The following ADGRB1 variants were observed in gnomAD, a reference collection of about 807,000 sequenced individuals.
ADGRB1 encodes adhesion G protein-coupled receptor B1.
ADGRB1 carries 36 observed loss-of-function variants against 175.7 expected under a neutral mutation model. The ratio of observed to expected loss-of-function variants is 0.20; its 90% confidence interval spans 0.16 to 0.27. The LOEUF is 0.27. Among genes scored for constraint, ADGRB1 ranks in the 10% least tolerant of loss-of-function variants. The pLI is 1.00. For missense variants in ADGRB1, 1,731 were observed against 2,255.3 expected (o/e 0.77, Z 4.71); for synonymous variants, 1,054 against 979.4 (o/e 1.08, Z -1.42).
Position 142,510,358 on chromosome 8 carries a change from C to T in ADGRB1, c.2676-574C>T, listed in dbSNP as rs992773650. ...CCGCAGGCACCAGGGGTGATGAGGC[C>T]CGGGGGAGGTGGATGTGGGGGATGG... On this transcript the variant is annotated intron_variant, in intron 17 of 30. Transcript: ENST00000517894. This position sits in a 1 kb window ranked among gnomAD's most constrained non-coding sequence, Gnocchi z 6.3. Among the ~76,000 whole-genome samples, 1 of 151,912 alleles carries T rather than the reference C, an allele frequency of 6.6e-6. No individual in the cohort carries two copies. The highest frequency in any genetic ancestry group is 2.4e-5 in the African/African-American group (1 of 41,482).
intron 17 of ADGRB1, among the ~76,000 whole-genome samples, chr8:142,491,107 C>T (rs1178863712): frequency 6.6e-6 from 1 of 152,202 alleles, no homozygotes; most frequent in Non-Finnish European, 1.5e-5. Flanking sequence ...CTGCCCCCAG[C>T]CCCCAGCCCC....
intron 1 of ADGRB1, among the ~76,000 whole-genome samples, chr8:142,462,220 T>G (rs1840005640): frequency 6.6e-6 from 1 of 152,130 alleles, no homozygotes; most frequent in African/African-American, 2.4e-5. Context: ...GCCCGGAATG[T>G]TTGCCAGGAA....
At chr8:142,495,990 T>G (rs1040865435) in intron 17 of ADGRB1, among the ~76,000 whole-genome samples, 6 of 146,592 alleles carry the variant, frequency 4.1e-5, no homozygotes, top group Non-Finnish European at 9.1e-5. Flanking sequence ...TGGATGGATG[T>G]GTAAATGGTA....
rs1373122162 is a variant in ADGRB1 at position 142,477,163 on chromosome 8, C to T, written c.1107C>T (p.Thr369=). 5 of 1,594,120 alleles carry T rather than the reference C, an allele frequency of 3.1e-6. No individual in the cohort carries two copies. The highest frequency in any genetic ancestry group is 4.5e-5 in the East Asian group (2 of 44,758). The change falls in exon 5 of 31, where the codon ACC becomes ACT. Residue 369 remains threonine (T), a synonymous_variant. Coordinates refer to ENST00000517894, the MANE Select transcript of ADGRB1 (RefSeq NM_001702.3). ...EWSPWSVCSS[T]CGEGWQTRTR... is the part of the protein sequence containing the mutation. Reference sequence around the variant, plus strand: ...CCCCGTGGAGCGTGTGCTCCAGCACCTGCGGCGAGGGCTGGCAGACCCGCA... The same window carrying T: ...CCCCGTGGAGCGTGTGCTCCAGCACTTGCGGCGAGGGCTGGCAGACCCGCA...
At chr8:142,485,216 T>C (rs1003210414) in intron 13 of ADGRB1, among the ~76,000 whole-genome samples, 1 of 152,194 alleles carries the variant, frequency 6.6e-6, no homozygotes, top group Non-Finnish European at 1.5e-5. Context: ...ATGATAACGG[T>C]GCCCATCTCA....
rs540119847 is a variant in ADGRB1 at position 142,484,012 on chromosome 8, G to A, written c.2166G>A (p.Glu722=). The A allele has an allele frequency of 4.3e-6, 7 of 1,613,214 alleles. No individual in the cohort carries two copies. In the African/African-American group the frequency reaches 9.3e-5, roughly 21 times the overall value. ...FVQILSNLLA[E]ENRDKWEEAQ... ...AGATCCTTAGCAACCTGTTGGCAGA[G>A]GAGAATCGGGACAAGTGGGAGGAGG... The change falls in exon 12 of 31, where the codon GAG becomes GAA. Residue 722 remains glutamate (E), a synonymous_variant. Transcript: ENST00000517894.
At chr8:142,468,245 C>A (rs560918866) in intron 2 of ADGRB1, among the ~76,000 whole-genome samples, 1 of 152,056 alleles carries the variant, frequency 6.6e-6, no homozygotes, top group South Asian at 2.1e-4. Context: ...GTACATTACT[C>A]ATGTGCGTGT....
At chr8:142,516,663 G>GT (rs1843464632) in intron 18 of ADGRB1, among the ~76,000 whole-genome samples, 4 of 139,172 alleles carry the variant, frequency 2.9e-5, no homozygotes, top group African/African-American at 1.1e-4. Context: ...GTGTGTGTGT[G>GT]GGTCCCAGGT....
chr8:142,470,972 C>T (rs943012216), intron 2 of ADGRB1, among the ~76,000 whole-genome samples: 1 of 152,076 alleles, frequency 6.6e-6, no homozygotes, highest in Non-Finnish European at 1.5e-5. Context: ...GAGGGAGCGG[C>T]AAAGCCTGGG....
intron 1 of ADGRB1, among the ~76,000 whole-genome samples, chr8:142,456,988 G>A (rs145187971): frequency 4.6e-5 from 7 of 152,350 alleles, no homozygotes; most frequent in East Asian, 1.9e-4. Flanking sequence ...GACCGGCCCC[G>A]GGGTGTGCCT....
At chr8:142,522,490 C>T in intron 21 of ADGRB1, 151 bp from the exon 22 acceptor site, 1 of 784,272 alleles carries the variant, frequency 1.3e-6, no homozygotes, top group Non-Finnish European at 2.0e-6. Flanking sequence ...CCTTGTTCAC[C>T]TCCTGCCCCA....
chr8:142,496,351 G>A (rs1326496633), intron 17 of ADGRB1, among the ~76,000 whole-genome samples: 2 of 151,896 alleles, frequency 1.3e-5, no homozygotes, highest in East Asian at 3.9e-4. Flanking sequence ...TAGATGGATA[G>A]ATGGGTGAAT....
chr8:142,478,164 T>C (rs1409608121), intron 6 of ADGRB1, 23 bp from the exon 7 acceptor site: 1 of 1,589,136 alleles, frequency 6.3e-7, no homozygotes, highest in African/African-American at 1.3e-5. Flanking sequence ...TCACGCCCAC[T>C]TTGTGTCTCC....
intron 11 of ADGRB1, 56 bp downstream of exon 11, chr8:142,481,767 C>A: frequency 7.1e-7 from 1 of 1,413,108 alleles, no homozygotes; most frequent in Non-Finnish European, 9.4e-7. Flanking sequence ...TCTGGGGAGC[C>A]CTCCTCGACC....
intron 1 of ADGRB1, among the ~76,000 whole-genome samples, chr8:142,456,019 G>T (rs1839652087): frequency 6.6e-6 from 1 of 152,130 alleles, no homozygotes; most frequent in Non-Finnish European, 1.5e-5. Flanking sequence ...TGAGGCCCCA[G>T]TTCCAGCTCG....
intron 20 of ADGRB1, 55 bp from the exon 21 acceptor site, chr8:142,521,910 A>G: frequency 6.5e-7 from 1 of 1,534,644 alleles, no homozygotes; most frequent in Non-Finnish European, 8.7e-7. Flanking sequence ...CAGTGGGGAC[A>G]GGTGTGGGGC....
Position 142,475,531 on chromosome 8 carries a change from T to G in ADGRB1, c.842T>G (p.Leu281Arg), listed in dbSNP as rs771958431. Residue 281 changes from leucine to arginine, a missense_variant, in exon 3 of 31, where the codon CTC (leucine) becomes CGC (arginine). Leu to Arg is a moderately radical substitution (Grantham distance 102). Coordinates refer to ENST00000517894, the MANE Select transcript of ADGRB1 (RefSeq NM_001702.3). ...TGCACGCGGGACTGCGGGGGAGGCC[T>G]CCAGACGCGGACGCGCACCTGCCTG... ...GECTRDCGGG[L>R]QTRTRTCLPA... is the part of the protein sequence containing the mutation. 3 of 1,291,890 alleles carry G rather than the reference T, an allele frequency of 2.3e-6. No individual in the cohort carries two copies. Among genetic ancestry groups the G allele is most frequent in the Non-Finnish European group, 2.9e-6 (3 of 1,019,250 alleles). The allele number at this position is 1,291,890 out of a possible 1,614,324, so 80.0% of individuals were successfully genotyped here.
At chr8:142,499,780 C>T (rs888423560) in intron 17 of ADGRB1, among the ~76,000 whole-genome samples, 10 of 152,166 alleles carry the variant, frequency 6.6e-5, no homozygotes, top group Non-Finnish European at 8.8e-5. Context: ...CTGGGGGTAG[C>T]GGGGGCGTGC....
chr8:142,464,950 T>A lies in ADGRB1; in HGVS notation c.752T>A (p.Leu251Gln). 1 of 1,527,422 alleles carries A rather than the reference T, an allele frequency of 6.5e-7. No individual in the cohort carries two copies. Among genetic ancestry groups the A allele is most frequent in the Non-Finnish European group, 8.8e-7 (1 of 1,142,590 alleles). 94.6% of individuals were successfully genotyped at this position (1,527,422 alleles called of 1,614,324 possible). A position where few individuals can be genotyped will look rare whatever the true frequency, so the allele number is the denominator to read the frequency against. ...GGCCCTGAAAACTGCCTCACCAGCC[T>A]GACCCAGGACCGGGGCGGGCACGGC... is the stretch of plus-strand genomic sequence containing the variant. Reference protein sequence around the residue: ...AGGPENCLTSLTQDRGGHGAT... With the variant: ...AGGPENCLTSQTQDRGGHGAT... Residue 251 changes from leucine (L) to glutamine (Q), a missense_variant, in exon 2 of 31, where the codon CTG becomes CAG. Coordinates refer to ENST00000517894, the MANE Select transcript of ADGRB1 (RefSeq NM_001702.3).
Sources: allele counts gnomAD v4.1 joint callset (sites outside exome capture counted in the v4.1 genomes callset), GRCh38; gene constraint gnomAD v4.1.1; non-coding constraint Gnocchi (gnomAD v3.1); transcripts MANE v1.5; gene names NCBI Gene and HGNC (gene_info 2026-07-23, HGNC 2026-07-21).